The following KCNN2 variants were observed in gnomAD, a reference collection of about 807,000 sequenced individuals.
KCNN2 encodes potassium calcium-activated channel subfamily N member 2, also known as small conductance calcium-activated potassium channel protein 2.
In KCNN2, 24 loss-of-function variants were observed where a neutral mutation model predicts 55.5. That is an observed-to-expected ratio of 0.43 (90% CI 0.31 to 0.61). The LOEUF is 0.61. Ranked by LOEUF, KCNN2 falls within the 20% of genes least tolerant of loss-of-function variation. KCNN2 has a pLI of 0.08. For synonymous variants in KCNN2, 431 were observed against 336.1 expected (o/e 1.28, Z -3.09); for missense variants, 754 against 853.6 (o/e 0.88, Z 1.45).
chr5:114,490,812 G>A, intron 6 of KCNN2: 1 of 397,580 alleles, frequency 2.5e-6, no homozygotes, highest in Non-Finnish European at 4.4e-6. Context: ...CTATGGAAAT[G>A]TGATCCAAAA....
chr5:114,086,939 T>G (rs1751029563), intron 1 of KCNN2, among the ~76,000 whole-genome samples: 1 of 152,022 alleles, frequency 6.6e-6, no homozygotes, highest in Non-Finnish European at 1.5e-5. Flanking sequence ...GCCTCACCAG[T>G]ATCTTTTGTT....
intron 1 of KCNN2, among the ~76,000 whole-genome samples, chr5:114,160,889 T>C: frequency 6.6e-6 from 1 of 152,154 alleles, no homozygotes; most frequent in Non-Finnish European, 1.5e-5. Flanking sequence ...ATTTTGAGCC[T>C]ATGTGTGTCT....
chr5:114,270,570 T>C (rs1007096568), intron 2 of KCNN2, among the ~76,000 whole-genome samples: 1 of 152,220 alleles, frequency 6.6e-6, no homozygotes, highest in African/African-American at 2.4e-5. Flanking sequence ...TATTAACATA[T>C]GAAGCTGAAA....
At chr5:114,163,115 G>A (rs1752826566) in intron 1 of KCNN2, among the ~76,000 whole-genome samples, 1 of 152,168 alleles carries the variant, frequency 6.6e-6, no homozygotes, top group African/African-American at 2.4e-5. Flanking sequence ...CTGTAGACTG[G>A]AGCTGTTCCT....
intron 1 of KCNN2, among the ~76,000 whole-genome samples, chr5:114,096,253 A>G (rs975356983): frequency 6.6e-5 from 10 of 152,208 alleles, no homozygotes; most frequent in Admixed American, 2.6e-4. Context: ...GAGATCAGGC[A>G]TTTAAACTGC....
chr5:114,451,089 T>C (rs1320946893), intron 3 of KCNN2, among the ~76,000 whole-genome samples: 1 of 152,236 alleles, frequency 6.6e-6, no homozygotes, highest in African/African-American at 2.4e-5. Context: ...TTGAGACTTT[T>C]AACTTATTGA....
intron 1 of KCNN2, among the ~76,000 whole-genome samples, chr5:114,150,261 C>T (rs1379115160): frequency 6.6e-6 from 1 of 152,144 alleles, no homozygotes; most frequent in Non-Finnish European, 1.5e-5. Context: ...TACAAGGCTA[C>T]AGTAACCAAA....
At chr5:114,150,721 A>G (rs1274331715) in intron 1 of KCNN2, among the ~76,000 whole-genome samples, 1 of 152,180 alleles carries the variant, frequency 6.6e-6, no homozygotes, top group African/African-American at 2.4e-5. Flanking sequence ...GCAGCTTCTT[A>G]TAAAAACCAA....
intron 2 of KCNN2, among the ~76,000 whole-genome samples, chr5:114,234,944 G>A (rs1438645517): frequency 6.6e-6 from 1 of 152,154 alleles, no homozygotes; most frequent in East Asian, 1.9e-4. Flanking sequence ...ATCTCCTTTA[G>A]TACTCAGTAA....
intron 5 of KCNN2, among the ~76,000 whole-genome samples, chr5:114,477,698 T>C (rs1013400591): frequency 2.6e-5 from 4 of 152,212 alleles, no homozygotes; most frequent in Non-Finnish European, 5.9e-5. Context: ...GCTCATTCCA[T>C]TCTGAGCAAA....
At chr5:114,056,397 C>T (rs113236005) in exon 1 of KCNN2, 5 of 398,494 alleles carry the variant, frequency 1.3e-5, no homozygotes, top group African/African-American at 8.2e-5. Flanking sequence ...TCAGTGGACT[C>T]GATCTTCAGC....
intron 2 of KCNN2, among the ~76,000 whole-genome samples, chr5:114,372,677 A>G (rs1205981108): frequency 1.1e-4 from 16 of 152,132 alleles, no homozygotes. Context: ...AATTAGTCTA[A>G]TCTTACCACC....
intron 7 of KCNN2, among the ~76,000 whole-genome samples, chr5:114,494,656 A>G (rs1453714576): frequency 1.3e-5 from 2 of 152,090 alleles, no homozygotes; most frequent in Non-Finnish European, 2.9e-5. Context: ...TTTTACTTCA[A>G]GAGTACCACT....
chr5:114,231,381 A>T (rs62382884), intron 2 of KCNN2, among the ~76,000 whole-genome samples: 7 of 133,272 alleles, frequency 5.3e-5, no homozygotes, highest in Non-Finnish European at 1.1e-4. Context: ...CTGAATGGTA[A>T]TGCCTAGGTT....
At chr5:114,207,235 A>G (rs916821573) in intron 1 of KCNN2, among the ~76,000 whole-genome samples, 21 of 152,118 alleles carry the variant, frequency 1.4e-4, no homozygotes, top group African/African-American at 4.8e-4. Context: ...AGAAAACTTC[A>G]TGTTGTTCAT....
chr5:114,433,214 T>A (rs1759864756), intron 3 of KCNN2, among the ~76,000 whole-genome samples: 1 of 152,214 alleles, frequency 6.6e-6, no homozygotes, highest in Non-Finnish European at 1.5e-5. Flanking sequence ...ATTGGCATTC[T>A]GTATCTAGCT....
chr5:114,171,488 C>T (rs562105614), intron 1 of KCNN2, among the ~76,000 whole-genome samples: 2 of 151,960 alleles, frequency 1.3e-5, no homozygotes, highest in South Asian at 4.1e-4. Context: ...CTTTTCAATA[C>T]AGCACTCCAT....
intron 1 of KCNN2, among the ~76,000 whole-genome samples, chr5:114,141,817 G>T (rs1446935098): frequency 1.3e-5 from 2 of 152,058 alleles, no homozygotes; most frequent in Admixed American, 1.3e-4. Context: ...TTTAATGATC[G>T]CCATTCTAAC....
Position 114,125,769 on chromosome 5 carries a change from C to G in KCNN2, c.-271+69269C>G, listed in dbSNP as rs535160293. Among the ~76,000 whole-genome samples the G allele has an allele frequency of 3.7e-3, 563 of 152,250 alleles. 7 individuals carry two copies. The highest frequency in any genetic ancestry group is 0.013 in the African/African-American group (556 of 41,538). On this transcript the variant is annotated intron_variant, in intron 1 of 10. Transcript: ENST00000512097. Reference sequence around the variant, plus strand: ...CTCTCTTTGTCTTGTAGGTGGCTGTCTTCTCCCTGTGTCTTTACAGCATCT... The same window carrying G: ...CTCTCTTTGTCTTGTAGGTGGCTGTGTTCTCCCTGTGTCTTTACAGCATCT...
Sources: allele counts gnomAD v4.1 joint callset (sites outside exome capture counted in the v4.1 genomes callset), GRCh38; gene constraint gnomAD v4.1.1; transcripts MANE v1.5; gene names NCBI Gene and HGNC (gene_info 2026-07-23, HGNC 2026-07-21).